VSTM4: variants seen among roughly 807,000 people sequenced by gnomAD.
The protein encoded by VSTM4 is V-set and transmembrane domain containing 4, also known as V-set and transmembrane domain-containing protein 4.
VSTM4 carries 20 observed loss-of-function variants against 36.4 expected under a neutral mutation model. The observed-to-expected ratio is 0.55, with a 90% CI of 0.39 to 0.80. VSTM4 has a LOEUF of 0.80. Among genes scored for constraint, VSTM4 ranks in the 30% least tolerant of loss-of-function variants. The pLI, the probability that VSTM4 is intolerant of heterozygous loss-of-function variation, is 0.00. For missense variants in VSTM4, 392 were observed against 404.5 expected, an observed-to-expected ratio of 0.97 and a Z score of 0.26; for synonymous variants, 182 against 173.9, an observed-to-expected ratio of 1.05 and a Z score of -0.37.
rs923482497 is a variant in VSTM4 at position 49,015,190 on chromosome 10, C to G, written c.*4460G>C. The G allele has an allele frequency of 6.7e-6, 1 of 149,244 alleles. No homozygotes were observed. The highest frequency in any genetic ancestry group is 1.5e-5 in the Non-Finnish European group (1 of 67,760). The allele number at this position is 149,244 out of a possible 1,614,324, so 9.2% of individuals were successfully genotyped here. A position where few individuals can be genotyped will look rare whatever the true frequency, so the allele number is the denominator to read the frequency against. On this transcript the variant is annotated 3_prime_UTR_variant, in exon 8 of 8. Transcript: ENST00000332853. Reference sequence around the variant, plus strand: ...AGGCTGGAGTGCAGCAGCACGATCTCGGCTCACTGCAAGCTCCGCCTCCCG... The same window carrying G: ...AGGCTGGAGTGCAGCAGCACGATCTGGGCTCACTGCAAGCTCCGCCTCCCG...
chr10:49,064,708 C>G lies in VSTM4; in HGVS notation c.663G>C (p.Gln221His). 2 of 1,612,508 alleles carry G rather than the reference C, an allele frequency of 1.2e-6. No homozygotes were observed. Reference sequence around the variant, plus strand: ...AAGGAAGAAAATATTCTTACCTGTTCTGAGGGCATTTCACCAAATAATGTC... The same window carrying G: ...AAGGAAGAAAATATTCTTACCTGTTGTGAGGGCATTTCACCAAATAATGTC... Reference protein sequence around the residue: ...RVRHYLVKCPQNSSGETVTSV... With the variant: ...RVRHYLVKCPHNSSGETVTSV... The change falls in exon 5 of 8, where the codon CAG becomes CAC. Residue 221 changes from glutamine (Q) to histidine (H), a missense_variant. Coordinates refer to ENST00000332853, the MANE Select transcript of VSTM4 (RefSeq NM_001031746.5).
intron 3 of VSTM4, among the ~76,000 whole-genome samples, chr10:49,077,869 T>C (rs1219849436): frequency 2.6e-5 from 4 of 151,260 alleles, no homozygotes; most frequent in Non-Finnish European, 5.9e-5. Flanking sequence ...ATAAAGAGGA[T>C]AAAAAGTCAA....
rs555932250 is a variant in VSTM4 at position 49,039,728 on chromosome 10, G to C, written c.837+7255C>G. 1.2e-3 allele frequency among the ~76,000 whole-genome samples: 185 copies of C among 152,234 alleles called. 7 individuals carry two copies. In the South Asian group the frequency reaches 0.037, roughly 30 times the overall value. Reference sequence around the variant, plus strand: ...TCATTCAACTCCAAGGTTGACACTTGCCACCTTCCAGTTAATGTTGAGATG... The same window carrying C: ...TCATTCAACTCCAAGGTTGACACTTCCCACCTTCCAGTTAATGTTGAGATG... On this transcript the variant is annotated intron_variant, in intron 7 of 7. Transcript: ENST00000332853.
intron 4 of VSTM4, among the ~76,000 whole-genome samples, chr10:49,070,420 A>T (rs1029518424): frequency 6.6e-6 from 1 of 152,326 alleles, no homozygotes; most frequent in East Asian, 1.9e-4. Context: ...ACTAAAAAAA[A>T]AAATGGTCAG....
chr10:49,074,277 A>G (rs1844134570), intron 4 of VSTM4, among the ~76,000 whole-genome samples: 1 of 152,268 alleles, frequency 6.6e-6, no homozygotes, highest in African/African-American at 2.4e-5. Context: ...TACACATAGT[A>G]TAGCTCATCT....
intron 7 of VSTM4, among the ~76,000 whole-genome samples, chr10:49,022,649 A>C (rs571577202): frequency 2.0e-5 from 3 of 152,138 alleles, no homozygotes; most frequent in Admixed American, 1.3e-4. Context: ...TCTTACAAGC[A>C]ACAAAAACCC....
At chr10:49,060,997 C>T (rs956311199) in intron 5 of VSTM4, among the ~76,000 whole-genome samples, 2 of 152,184 alleles carry the variant, frequency 1.3e-5, no homozygotes, top group Non-Finnish European at 2.9e-5. Flanking sequence ...TATTTCTGGA[C>T]TCTCAATTAT....
chr10:49,044,309 C>T, intron 7 of VSTM4, among the ~76,000 whole-genome samples: 1 of 148,338 alleles, frequency 6.7e-6, no homozygotes, highest in East Asian at 2.0e-4. Context: ...GCTTGGGTGA[C>T]AGAACAAGAC....
At chr10:49,026,247 T>C (rs565890913) in intron 7 of VSTM4, among the ~76,000 whole-genome samples, 13 of 152,282 alleles carry the variant, frequency 8.5e-5, no homozygotes, top group African/African-American at 2.9e-4. Context: ...ACCACTGGAT[T>C]GGCCCTGGGT....
intron 4 of VSTM4, among the ~76,000 whole-genome samples, chr10:49,076,069 A>G (rs769619764): frequency 1.3e-5 from 2 of 152,102 alleles, no homozygotes; most frequent in Non-Finnish European, 2.9e-5. Flanking sequence ...ACAGCATCCC[A>G]TGGGTACTTG....
intron 7 of VSTM4, among the ~76,000 whole-genome samples, chr10:49,024,474 G>A (rs1368406398): frequency 2.6e-5 from 4 of 152,196 alleles, no homozygotes; most frequent in Non-Finnish European, 5.9e-5. Context: ...GAGGTGAGGA[G>A]AGTGGCTGAG....
chr10:49,061,726 T>A (rs1408422116), intron 5 of VSTM4, among the ~76,000 whole-genome samples: 2 of 152,184 alleles, frequency 1.3e-5, no homozygotes, highest in African/African-American at 4.8e-5. Context: ...GTGTGTTATA[T>A]CTTTTTCCAT....
At chr10:49,034,886 T>C (rs996638587) in intron 7 of VSTM4, among the ~76,000 whole-genome samples, 1 of 152,324 alleles carries the variant, frequency 6.6e-6, no homozygotes. Flanking sequence ...GCAGAAATGA[T>C]ATTGTTTCAT....
intron 1 of VSTM4, among the ~76,000 whole-genome samples, chr10:49,110,450 C>A (rs1053840806): frequency 6.6e-6 from 1 of 152,052 alleles, no homozygotes; most frequent in Non-Finnish European, 1.5e-5. Context: ...CACCTCCCTG[C>A]CTTCATTTTG....
chr10:49,054,235 C>CTATT (rs1425233815), intron 5 of VSTM4, among the ~76,000 whole-genome samples: 1 of 152,188 alleles, frequency 6.6e-6, no homozygotes, highest in African/African-American at 2.4e-5. Flanking sequence ...GGAACAAGGT[C>CTATT]AATAGAGCCA....
chr10:49,051,015 G>A (rs1270032607), intron 5 of VSTM4, among the ~76,000 whole-genome samples: 1 of 152,146 alleles, frequency 6.6e-6, no homozygotes. Flanking sequence ...CACTAGAGTA[G>A]GGCATTTGCT....
chr10:49,055,156 A>G (rs4272720), intron 5 of VSTM4, among the ~76,000 whole-genome samples: 42,434 of 152,090 alleles, frequency 0.28, 7,478 homozygotes, highest in African/African-American at 0.49. Flanking sequence ...CCCTTAGTGC[A>G]TGGAGCTAAT....
intron 7 of VSTM4, among the ~76,000 whole-genome samples, chr10:49,036,695 T>C (rs1564568864): frequency 6.6e-6 from 1 of 152,228 alleles, no homozygotes; most frequent in South Asian, 2.1e-4. Context: ...AGATTCTTTT[T>C]TGGCCCTGGC....
At chr10:49,101,528 A>C (rs986199657) in intron 2 of VSTM4, among the ~76,000 whole-genome samples, 6 of 152,242 alleles carry the variant, frequency 3.9e-5, no homozygotes, top group African/African-American at 1.4e-4. Flanking sequence ...TATTGTATTG[A>C]ATATAATAAT....
Sources: allele counts gnomAD v4.1 joint callset (sites outside exome capture counted in the v4.1 genomes callset), GRCh38; gene constraint gnomAD v4.1.1; transcripts MANE v1.5; gene names NCBI Gene and HGNC (gene_info 2026-07-23, HGNC 2026-07-21).